The following OSBPL10 variants were observed in gnomAD, a reference collection of about 807,000 sequenced individuals.
OSBPL10 encodes oxysterol binding protein like 10, also known as oxysterol-binding protein-related protein 10.
Under a neutral mutation model 81.7 loss-of-function variants are expected in OSBPL10, and 49 were observed. The observed-to-expected ratio is 0.60, with a 90% CI of 0.48 to 0.76. The LOEUF is 0.76. Ranked by LOEUF, OSBPL10 falls within the 30% of genes least tolerant of loss-of-function variation. OSBPL10 has a pLI of 0.00. For missense variants in OSBPL10, 923 were observed against 987.8 expected (o/e 0.93, Z 0.88); for synonymous variants, 419 against 383.6 (o/e 1.09, Z -1.08).
chr3:32,026,705 G>A (rs1699418728), intron 2 of OSBPL10, among the ~76,000 whole-genome samples: 1 of 152,152 alleles, frequency 6.6e-6, no homozygotes, highest in South Asian at 2.1e-4. Context: ...CCATACTAAC[G>A]CTCTCTTTGT....
intron 2 of OSBPL10, among the ~76,000 whole-genome samples, chr3:32,033,435 A>T (rs1699490018): frequency 6.6e-6 from 1 of 152,206 alleles, no homozygotes; most frequent in African/African-American, 2.4e-5. Context: ...ATACTTGTTG[A>T]AGGAGTACAT....
In OSBPL10 at chr3:32,040,140, C is replaced by T. The variant is rs549821623; in HGVS notation, n.298+6351G>A. On this transcript the variant is annotated intron_variant and non_coding_transcript_variant, in intron 2 of 3. Transcript: ENST00000479173. ...TGAAAACAGAGGCCAGGCACGGTGGCTCATGCCTGTAATCCCAGTACTTTG... is the reference window on the plus strand; with the variant it reads ...TGAAAACAGAGGCCAGGCACGGTGGTTCATGCCTGTAATCCCAGTACTTTG... Among the ~76,000 whole-genome samples the T allele has an allele frequency of 1.3e-3, 198 of 152,340 alleles. 2 individuals carry two copies. Among genetic ancestry groups the T allele is most frequent in the African/African-American group, 4.7e-3 (194 of 41,578 alleles).
intron 1 of OSBPL10, among the ~76,000 whole-genome samples, chr3:31,896,845 T>G (rs1048889687): frequency 2.6e-5 from 4 of 152,064 alleles, no homozygotes; most frequent in African/African-American, 9.7e-5. Context: ...GGCCAGTCCT[T>G]GGAGGGAGGG....
intron 3 of OSBPL10, among the ~76,000 whole-genome samples, chr3:31,847,678 A>G (rs1355005792): frequency 6.6e-6 from 1 of 151,278 alleles, no homozygotes; most frequent in South Asian, 2.1e-4. Flanking sequence ...TGAGTCAACA[A>G]GATTTTGTCC....
At chr3:32,068,773 C>T (rs1699802635) in intron 1 of OSBPL10, among the ~76,000 whole-genome samples, 1 of 152,090 alleles carries the variant, frequency 6.6e-6, no homozygotes, top group South Asian at 2.1e-4. Context: ...CAACTCATCC[C>T]AAAGCCTCCT....
intron 2 of OSBPL10, among the ~76,000 whole-genome samples, chr3:32,021,085 T>C (rs76916188): frequency 0.026 from 3,910 of 151,834 alleles, 146 homozygotes; most frequent in East Asian, 0.1. Context: ...TTCTGTTGGA[T>C]TGGAGCCCCA....
chr3:31,964,062 T>C (rs751083974), intron 1 of OSBPL10, among the ~76,000 whole-genome samples: 5 of 152,170 alleles, frequency 3.3e-5, no homozygotes, highest in Non-Finnish European at 5.9e-5. Flanking sequence ...AATCTCCCTA[T>C]TGAGATGGAG....
intron 2 of OSBPL10, 133 bp downstream of exon 2, chr3:31,879,522 G>A (rs1231593648): frequency 1.2e-6 from 1 of 868,234 alleles, no homozygotes; most frequent in Non-Finnish European, 1.7e-6. Context: ...GAGGCAATGT[G>A]TGTCACCACA....
rs1397085270 is a variant in OSBPL10, at chr3:31,994,076, A to G, written n.298+52415T>C. On this transcript the variant is annotated intron_variant and non_coding_transcript_variant, in intron 2 of 3. Transcript: ENST00000479173. ...TGAGAGTAAACTATTGTTACATGCA[A>G]TATTGCAAGTGAATCTCATATGCAT... Among the ~76,000 whole-genome samples the G allele has an allele frequency of 3.9e-5, 6 of 152,366 alleles. No homozygotes were observed. The South Asian group carries it at 6.2e-4, about 16-fold the overall frequency.
At chr3:31,697,779 T>C (rs1401432506) in intron 7 of OSBPL10, among the ~76,000 whole-genome samples, 3 of 152,042 alleles carry the variant, frequency 2.0e-5, no homozygotes, top group South Asian at 2.1e-4. Flanking sequence ...CTTTTTTTTT[T>C]TGAGATGGAG....
At chr3:31,958,160 A>G (rs1190222849) in intron 1 of OSBPL10, among the ~76,000 whole-genome samples, 1 of 152,228 alleles carries the variant, frequency 6.6e-6, no homozygotes, top group Non-Finnish European at 1.5e-5. Flanking sequence ...ACTTAGAGCT[A>G]AAGCGTGACT....
At chr3:31,964,561 G>C (rs1698259448) in intron 1 of OSBPL10, among the ~76,000 whole-genome samples, 1 of 152,150 alleles carries the variant, frequency 6.6e-6, no homozygotes, top group African/African-American at 2.4e-5. Context: ...ATCTTCACTT[G>C]ACGAGGTAAA....
intron 1 of OSBPL10, among the ~76,000 whole-genome samples, chr3:31,971,646 T>G (rs1023048662): frequency 6.6e-6 from 1 of 152,180 alleles, no homozygotes; most frequent in African/African-American, 2.4e-5. Context: ...GAAACTACAC[T>G]CTTAGCCCCA....
intron 1 of OSBPL10, chr3:31,907,013 T>C (rs1281145122): frequency 6.6e-6 from 1 of 152,238 alleles, no homozygotes; most frequent in East Asian, 1.9e-4. Flanking sequence ...AGTCTGCCTC[T>C]GAATTATTGA....
intron 6 of OSBPL10, chr3:31,714,882 ACAC>A (rs1696383652): frequency 6.6e-6 from 1 of 150,400 alleles, no homozygotes; most frequent in African/African-American, 2.5e-5. Flanking sequence ...GTCTTGTACC[ACAC>A]CACCAGAGTG....
chr3:31,707,825 G>A (rs1463686004), intron 6 of OSBPL10, among the ~76,000 whole-genome samples: 1 of 152,174 alleles, frequency 6.6e-6, no homozygotes, highest in African/African-American at 2.4e-5. Context: ...GGCCACCAGG[G>A]CAAGTGTACT....
intron 7 of OSBPL10, 115 bp downstream of exon 7, chr3:31,702,243 TC>T: frequency 7.9e-7 from 1 of 1,263,394 alleles, no homozygotes; most frequent in Non-Finnish European, 1.1e-6. Context: ...CTGGCCTTTT[TC>T]CCCACTCTTC....
chr3:31,683,339 A>G lies in OSBPL10; in HGVS notation c.1726+295T>C, dbSNP rs373780633. Among the ~76,000 whole-genome samples, 5 of 152,358 alleles carry G rather than the reference A, an allele frequency of 3.3e-5. No homozygotes were observed. In the East Asian group the frequency reaches 9.6e-4, roughly 29 times the overall value. ...CTTATATTCATGCAAAGCTGAAAGAAAACAGTACCTGTAAGGTGTGCACGC... is the reference window on the plus strand; with the variant it reads ...CTTATATTCATGCAAAGCTGAAAGAGAACAGTACCTGTAAGGTGTGCACGC... On this transcript the variant is annotated intron_variant, in intron 8 of 11. Transcript: ENST00000396556.
intron 1 of OSBPL10, among the ~76,000 whole-genome samples, chr3:31,944,731 T>C (rs976363381): frequency 6.6e-6 from 1 of 150,630 alleles, no homozygotes; most frequent in South Asian, 2.1e-4. Context: ...GCCAATCTGG[T>C]TGCTTCACAT....
Sources: allele counts gnomAD v4.1 joint callset (sites outside exome capture counted in the v4.1 genomes callset), GRCh38; gene constraint gnomAD v4.1.1; transcripts MANE v1.5; gene names NCBI Gene and HGNC (gene_info 2026-07-23, HGNC 2026-07-21).